TTC3: variants seen among roughly 807,000 people sequenced by gnomAD.
TTC3 encodes E3 ubiquitin-protein ligase TTC3.
In TTC3, 180 loss-of-function variants were observed where a neutral mutation model predicts 249.6. That is an observed-to-expected ratio of 0.72 (90% CI 0.64 to 0.82). The LOEUF (loss-of-function observed/expected upper bound fraction) is 0.82, where lower values mean the gene tolerates loss of function less well. Ranked by LOEUF, TTC3 falls within the 40% of genes least tolerant of loss-of-function variation. The pLI, the probability that TTC3 is intolerant of heterozygous loss-of-function variation, is 0.00. For synonymous variants in TTC3, 717 were observed against 805.0 expected (o/e 0.89, Z 1.85); for missense variants, 2,061 against 2,398.4 (o/e 0.86, Z 2.94).
At chr21:37,200,449 C>A in intron 45 of TTC3, 125 bp downstream of exon 45, 1 of 1,051,772 alleles carries the variant, frequency 9.5e-7, no homozygotes, top group Non-Finnish European at 1.4e-6. Flanking sequence ...TCTTTGCAAA[C>A]CTCCCGTGTC....
At chr21:37,202,124 T>C (rs1268331877) in exon 46 of TTC3, 1 of 152,264 alleles carries the variant, frequency 6.6e-6, no homozygotes, top group Non-Finnish European at 1.5e-5. Context: ...AAATATTGGC[T>C]GATTTAGACC....
chr21:37,194,003 A>G (rs2084543480), intron 41 of TTC3: 1 of 152,244 alleles, frequency 6.6e-6, no homozygotes, highest in Non-Finnish European at 1.5e-5. Context: ...CAGATGGAAC[A>G]CACAGTGCTC....
chr21:37,110,428 C>T (rs779511998), intron 11 of TTC3, among the ~76,000 whole-genome samples: 5 of 152,030 alleles, frequency 3.3e-5, no homozygotes, highest in East Asian at 3.9e-4. Context: ...CCTCAGTAAC[C>T]GATGCGATCA....
chr21:37,125,186 T>C (rs1218974028), intron 14 of TTC3, among the ~76,000 whole-genome samples: 1 of 152,218 alleles, frequency 6.6e-6, no homozygotes, highest in Non-Finnish European at 1.5e-5. Flanking sequence ...AACACTCACC[T>C]CAGCCTGCCT....
intron 41 of TTC3, among the ~76,000 whole-genome samples, chr21:37,192,545 T>A (rs990969354): frequency 6.6e-6 from 1 of 150,850 alleles, no homozygotes; most frequent in African/African-American, 2.5e-5. Flanking sequence ...TTCCTGACTT[T>A]GAACAAATAA....
chr21:37,076,019 C>T (rs1765022156), intron 1 of TTC3, among the ~76,000 whole-genome samples: 1 of 152,174 alleles, frequency 6.6e-6, no homozygotes, highest in Admixed American at 6.5e-5. Context: ...ATTCACCACT[C>T]AATCCAATAA....
chr21:37,114,787 G>A (rs981789231), intron 11 of TTC3, among the ~76,000 whole-genome samples: 1 of 152,124 alleles, frequency 6.6e-6, no homozygotes, highest in Non-Finnish European at 1.5e-5. Flanking sequence ...CAACCCACAT[G>A]TCCAACAATG....
chr21:37,126,546 T>C (rs1216505975), intron 15 of TTC3, among the ~76,000 whole-genome samples: 1 of 152,224 alleles, frequency 6.6e-6, no homozygotes, highest in Admixed American at 6.5e-5. Context: ...GTACCATATG[T>C]GCATCTGCGC....
exon 1 of TTC3, chr21:37,073,343 G>C (rs1395886095): frequency 1.2e-6 from 1 of 837,534 alleles, no homozygotes; most frequent in Middle Eastern, 6.0e-4. Flanking sequence ...CCGCGTCCGA[G>C]GCTCGCGGGC....
intron 39 of TTC3, among the ~76,000 whole-genome samples, chr21:37,190,927 A>T (rs538584381): frequency 1.4e-4 from 21 of 152,238 alleles, no homozygotes; most frequent in Admixed American, 5.9e-4. Context: ...CTCATCCTTT[A>T]TTTTTATATT....
At chr21:37,179,249 T>C (rs1602030214) in intron 35 of TTC3, among the ~76,000 whole-genome samples, 1 of 152,196 alleles carries the variant, frequency 6.6e-6, no homozygotes, top group East Asian at 1.9e-4. Context: ...ATCTTGCCAC[T>C]GCACTACAGT....
intron 17 of TTC3, among the ~76,000 whole-genome samples, chr21:37,134,588 G>A (rs866836688): frequency 2.0e-5 from 3 of 152,064 alleles, no homozygotes; most frequent in African/African-American, 4.8e-5. Flanking sequence ...TTGCATTTGC[G>A]GCCCCTTTGA....
chr21:37,088,352 T>A lies in TTC3; in HGVS notation c.338+6T>A. 4.4e-6 allele frequency: 7 copies of A among 1,605,954 alleles called. No individual in the cohort carries two copies. Among genetic ancestry groups the A allele is most frequent in the Non-Finnish European group, 6.0e-6 (7 of 1,175,364 alleles). On this transcript the variant is annotated splice_donor_region_variant and intron_variant, in intron 4 of 45. Coordinates refer to ENST00000355666, the Ensembl canonical transcript of TTC3. ...CATCCCTGTGTGGACGCCAAGTAAG[T>A]TACTATATGTTGCTCATTTTGTGTG...
intron 1 of TTC3, chr21:37,085,795 C>G (rs2072388038): frequency 6.6e-6 from 1 of 152,166 alleles, no homozygotes; most frequent in African/African-American, 2.4e-5. Flanking sequence ...AAACACTGAA[C>G]TAGTTGCCAG....
intron 35 of TTC3, among the ~76,000 whole-genome samples, chr21:37,174,080 T>C (rs2835645): frequency 0.31 from 46,540 of 152,142 alleles, 7,562 homozygotes; most frequent in South Asian, 0.52. Flanking sequence ...CGGTGAGATA[T>C]CTTTCTTTCT....
intron 15 of TTC3, 62 bp downstream of exon 15, chr21:37,126,205 C>G: frequency 6.7e-7 from 1 of 1,500,504 alleles, no homozygotes; most frequent in Non-Finnish European, 9.2e-7. Context: ...AATTTGGATG[C>G]CCTACAATGT....
chr21:37,164,081 T>G (rs533517600), exon 32 of TTC3: 2 of 1,611,352 alleles, frequency 1.2e-6, no homozygotes, highest in South Asian at 2.2e-5. Flanking sequence ...CAGGCCCATT[T>G]GCAGTGCCTG....
chr21:37,201,624 A>C, exon 46 of TTC3: 1 of 1,579,694 alleles, frequency 6.3e-7, no homozygotes, highest in Admixed American at 1.9e-5. Flanking sequence ...CCGAAGAATG[A>C]CAATTTTCTA....
exon 18 of TTC3, chr21:37,135,426 G>A: frequency 6.2e-7 from 1 of 1,613,814 alleles, no homozygotes; most frequent in Admixed American, 1.7e-5. Flanking sequence ...ATTCAAGATG[G>A]CTATATGGCC....
Sources: gnomAD v4.1 joint callset for allele counts (sites outside exome capture counted in the v4.1 genomes callset) on GRCh38, gnomAD v4.1.1 for gene constraint, MANE v1.5 for transcripts, NCBI Gene and HGNC (gene_info 2026-07-23, HGNC 2026-07-21) for gene names.